NMNAT2: variants seen among roughly 807,000 people sequenced by gnomAD.
NMNAT2 encodes nicotinamide nucleotide adenylyltransferase 2.
In NMNAT2, 11 loss-of-function variants were observed where a neutral mutation model predicts 41.6. That is an observed-to-expected ratio of 0.26 (90% CI 0.17 to 0.44). NMNAT2 has a LOEUF of 0.44. Among genes scored for constraint, NMNAT2 ranks in the 20% least tolerant of loss-of-function variants. The probability of loss-of-function intolerance (pLI) is 1.00; values close to 1 mark genes in which losing one functional copy is unlikely to be tolerated. For synonymous variants in NMNAT2, 148 were observed against 151.2 expected (o/e 0.98, Z 0.16); for missense variants, 288 against 407.7 (o/e 0.71, Z 2.53).
chr1:183,281,220 C>T (rs534270105), intron 7 of NMNAT2, among the ~76,000 whole-genome samples: 1 of 152,308 alleles, frequency 6.6e-6, no homozygotes, highest in East Asian at 1.9e-4. Context: ...AGCTTTCTCT[C>T]ATCACTGGTT....
intron 1 of NMNAT2, among the ~76,000 whole-genome samples, chr1:183,373,039 G>T (rs1468190518): frequency 6.6e-6 from 1 of 152,224 alleles, no homozygotes; most frequent in Non-Finnish European, 1.5e-5. Context: ...TCTCATCCCT[G>T]CAGCTGACAG....
chr1:183,356,831 C>G (rs1345534848), intron 1 of NMNAT2, among the ~76,000 whole-genome samples: 1 of 152,214 alleles, frequency 6.6e-6, no homozygotes, highest in Non-Finnish European at 1.5e-5. Flanking sequence ...AAATAACTGT[C>G]TAAAACCCAA....
chr1:183,395,895 C>G (rs766812795), intron 1 of NMNAT2, among the ~76,000 whole-genome samples: 2 of 152,138 alleles, frequency 1.3e-5, no homozygotes, highest in Non-Finnish European at 2.9e-5. Context: ...GTGGCTTCTT[C>G]GCAATGTTCA....
At chr1:183,330,785 C>T (rs578262722) in intron 1 of NMNAT2, among the ~76,000 whole-genome samples, 41 of 152,166 alleles carry the variant, frequency 2.7e-4, no homozygotes, top group Non-Finnish European at 5.4e-4. Context: ...GCAGAATCAG[C>T]GAGGTGAATT....
chr1:183,293,519 G>A (rs966981212), intron 2 of NMNAT2, among the ~76,000 whole-genome samples, 186 bp downstream of exon 2: 1 of 152,204 alleles, frequency 6.6e-6, no homozygotes. Flanking sequence ...CTGCTTCAAC[G>A]CCCATCCACT....
At position 183,288,609 on chromosome 1, in the gene NMNAT2, A is replaced by G. The variant is rs1055158905; in HGVS notation, c.321+1519T>C. On this transcript the variant is annotated intron_variant, in intron 4 of 10. Coordinates refer to ENST00000287713, the MANE Select transcript of NMNAT2 (RefSeq NM_015039.4). ...AGGCTTTCTGGCCAGTATGGCCAGC[A>G]CTGAGGAATGCCTGCAGGGTCCCCT... 1.4e-4 allele frequency among the ~76,000 whole-genome samples: 21 copies of G among 152,330 alleles called. 1 individual carries two copies. In the South Asian group the frequency reaches 2.1e-3, roughly 15 times the overall value.
chr1:183,398,600 G>A (rs1338061823), intron 1 of NMNAT2, among the ~76,000 whole-genome samples: 1 of 152,116 alleles, frequency 6.6e-6, no homozygotes, highest in Non-Finnish European at 1.5e-5. Flanking sequence ...CAAATCAACA[G>A]AATATACATT....
intron 1 of NMNAT2, among the ~76,000 whole-genome samples, chr1:183,390,082 G>A (rs1395598602): frequency 2.0e-5 from 3 of 151,910 alleles, no homozygotes; most frequent in Non-Finnish European, 4.4e-5. Flanking sequence ...AACTACACAG[G>A]GCATTAACTA....
intron 1 of NMNAT2, among the ~76,000 whole-genome samples, chr1:183,369,382 T>A (rs1663483557): frequency 6.6e-6 from 1 of 151,912 alleles, no homozygotes; most frequent in South Asian, 2.1e-4. Flanking sequence ...GTTCAAGCGA[T>A]TCTCCTGCCT....
At chr1:183,396,447 G>A (rs2101924128) in intron 1 of NMNAT2, among the ~76,000 whole-genome samples, 1 of 152,250 alleles carries the variant, frequency 6.6e-6, no homozygotes, top group Non-Finnish European at 1.5e-5. Flanking sequence ...GGGCGAGTGG[G>A]CTCAAGCATG....
intron 1 of NMNAT2, among the ~76,000 whole-genome samples, chr1:183,295,842 T>G (rs968619149): frequency 6.6e-5 from 10 of 152,198 alleles, no homozygotes; most frequent in African/African-American, 2.2e-4. Context: ...CATGGCTCGA[T>G]AGCTCATTTC....
chr1:183,273,873 TC>T (rs1661056483), intron 8 of NMNAT2, among the ~76,000 whole-genome samples: 1 of 108,402 alleles, frequency 9.2e-6, no homozygotes, highest in African/African-American at 3.7e-5. Flanking sequence ...CTTCCTTCCT[TC>T]CTTCCTTCCT....
intron 3 of NMNAT2, chr1:183,290,741 G>C (rs868044554): frequency 6.6e-6 from 1 of 152,266 alleles, no homozygotes; most frequent in Non-Finnish European, 1.5e-5. Flanking sequence ...GCAAACCCTC[G>C]AGAATCAGTC....
Position 183,251,846 on chromosome 1 carries a change from G to T in NMNAT2, c.*795C>A. 6.4e-6 allele frequency: 1 copy of T among 157,032 alleles called. No individual in the cohort carries two copies. Among genetic ancestry groups the T allele is most frequent in the South Asian group, 1.7e-4 (1 of 5,992 alleles). The allele number at this position is 157,032 out of a possible 1,614,324, so 9.7% of individuals were successfully genotyped here. A position where few individuals can be genotyped will look rare whatever the true frequency, so the allele number is the denominator to read the frequency against. On this transcript the variant is annotated 3_prime_UTR_variant, in exon 11 of 11. Transcript: ENST00000287713. ...TTCAGAACCCGAAAATCTCACTCCT[G>T]ATCAAAGGTTGCTGCTGCTGCTGCT...
intron 7 of NMNAT2, among the ~76,000 whole-genome samples, chr1:183,282,301 C>T (rs1393936730): frequency 1.3e-5 from 2 of 152,222 alleles, no homozygotes; most frequent in Non-Finnish European, 2.9e-5. Flanking sequence ...GCGGCTGGCT[C>T]ACCATAACTC....
At chr1:183,269,781 A>C (rs1660934559) in intron 8 of NMNAT2, among the ~76,000 whole-genome samples, 1 of 152,232 alleles carries the variant, frequency 6.6e-6, no homozygotes, top group East Asian at 1.9e-4. Flanking sequence ...ACAGCTAACG[A>C]GTGAATGTGA....
rs12040490 is a variant in NMNAT2, at chr1:183,270,042, C to T, written c.651+8511G>A. ...GGGACTACAGGCACCCGCAACCACG[C>T]CCGGCTAATTTTTTTGTATTTTTAG... On this transcript the variant is annotated intron_variant, in intron 8 of 10. Transcript: ENST00000287713. 2.1e-3 allele frequency among the ~76,000 whole-genome samples: 322 copies of T among 152,250 alleles called. 6 individuals are homozygous for T. In the East Asian group the frequency reaches 0.053, roughly 25 times the overall value.
At chr1:183,256,699 CTAA>C (rs1299660312) in intron 10 of NMNAT2, among the ~76,000 whole-genome samples, 1 of 152,174 alleles carries the variant, frequency 6.6e-6, no homozygotes, top group African/African-American at 2.4e-5. Context: ...ATTCAATTTG[CTAA>C]TGTTTTATTG....
intron 1 of NMNAT2, chr1:183,304,931 C>T (rs1159168057): frequency 3.7e-6 from 5 of 1,349,224 alleles, no homozygotes; most frequent in Non-Finnish European, 4.9e-6. Flanking sequence ...ATAACTGTCA[C>T]TTCTGCCAGA....
Sources: gnomAD v4.1 joint callset for allele counts (sites outside exome capture counted in the v4.1 genomes callset) on GRCh38, gnomAD v4.1.1 for gene constraint, MANE v1.5 for transcripts, NCBI Gene and HGNC (gene_info 2026-07-23, HGNC 2026-07-21) for gene names.